Variants in ARL15 observed in about 807,000 individuals in gnomAD.
ARL15 encodes the protein ADP-ribosylation factor-like protein 15.
ARL15 carries 19 observed loss-of-function variants against 25.2 expected under a neutral mutation model. The ratio of observed to expected loss-of-function variants is 0.75; its 90% CI spans 0.53 to 1.10. The LOEUF is 1.10. Among genes scored for constraint, ARL15 ranks in the 50% least tolerant of loss-of-function variants. ARL15 has a pLI of 0.00. For synonymous variants in ARL15, 94 were observed against 86.8 expected (o/e 1.08, Z -0.46); for missense variants, 220 against 246.0 (o/e 0.89, Z 0.71).
chr5:54,039,784 A>G (rs1189538638), intron 4 of ARL15, among the ~76,000 whole-genome samples: 3 of 138,458 alleles, frequency 2.2e-5, no homozygotes, highest in African/African-American at 5.4e-5. Context: ...CCTGGGCAAC[A>G]GAGCAAGACT....
chr5:54,195,635 A>G (rs1755528063), intron 1 of ARL15, among the ~76,000 whole-genome samples: 1 of 152,162 alleles, frequency 6.6e-6, no homozygotes, highest in South Asian at 2.1e-4. Flanking sequence ...TGTGTAAAGG[A>G]AAAAAGAAAT....
At chr5:54,252,031 A>T (rs1432632968) in intron 1 of ARL15, among the ~76,000 whole-genome samples, 1 of 152,198 alleles carries the variant, frequency 6.6e-6, no homozygotes. Context: ...AATTCTCTGA[A>T]TTTTTCCTTA....
intron 3 of ARL15, among the ~76,000 whole-genome samples, chr5:54,129,764 C>T (rs1047462688): frequency 5.9e-5 from 9 of 152,198 alleles, no homozygotes; most frequent in African/African-American, 1.4e-4. Context: ...CCTCACCTCA[C>T]TTCCTCCTTT....
intron 4 of ARL15, among the ~76,000 whole-genome samples, chr5:53,905,576 G>C (rs565147932): frequency 6.6e-6 from 1 of 152,238 alleles, no homozygotes; most frequent in East Asian, 1.9e-4. Flanking sequence ...CCCATGCCCT[G>C]ATTACAATCT....
At chr5:54,192,950 T>C (rs1401214987) in intron 1 of ARL15, among the ~76,000 whole-genome samples, 1 of 152,160 alleles carries the variant, frequency 6.6e-6, no homozygotes, top group African/African-American at 2.4e-5. Context: ...AGAGTATGTA[T>C]GTAGGTCCAG....
At chr5:54,076,041 A>G (rs955286989) in intron 4 of ARL15, among the ~76,000 whole-genome samples, 1 of 152,168 alleles carries the variant, frequency 6.6e-6, no homozygotes, top group African/African-American at 2.4e-5. Context: ...TAATACATAC[A>G]CACGCACCAC....
intron 1 of ARL15, among the ~76,000 whole-genome samples, chr5:54,302,283 A>G (rs898785850): frequency 6.6e-6 from 1 of 152,218 alleles, no homozygotes; most frequent in African/African-American, 2.4e-5. Context: ...AAGAATGCTC[A>G]TGGCCATGGG....
chr5:54,302,272 G>A (rs1434459536), intron 1 of ARL15, among the ~76,000 whole-genome samples: 2 of 152,130 alleles, frequency 1.3e-5, no homozygotes, highest in Non-Finnish European at 2.9e-5. Flanking sequence ...AAGCAGCACC[G>A]AAGAATGCTC....
chr5:54,095,360 G>A (rs970546458), intron 4 of ARL15, among the ~76,000 whole-genome samples: 4 of 152,066 alleles, frequency 2.6e-5, no homozygotes, highest in Admixed American at 6.6e-5. Context: ...AATATGACAC[G>A]TTTTATAGCC....
At chr5:54,112,109 G>C (rs1321437545) in intron 4 of ARL15, among the ~76,000 whole-genome samples, 1 of 152,052 alleles carries the variant, frequency 6.6e-6, no homozygotes, top group Non-Finnish European at 1.5e-5. Flanking sequence ...TGAATAATGG[G>C]TCCTTGCCTT....
At chr5:54,285,768 C>A (rs1190199664) in intron 1 of ARL15, among the ~76,000 whole-genome samples, 1 of 152,152 alleles carries the variant, frequency 6.6e-6, no homozygotes, top group Admixed American at 6.5e-5. Context: ...CTTGGGTCCT[C>A]TATTTCCAAA....
chr5:54,126,151 T>G (rs1445622574), intron 3 of ARL15, among the ~76,000 whole-genome samples: 3 of 152,294 alleles, frequency 2.0e-5, no homozygotes, highest in African/African-American at 7.2e-5. Flanking sequence ...TCTCTTGTTG[T>G]ACATCCTCTT....
chr5:54,081,368 G>C (rs1220151926), intron 4 of ARL15, among the ~76,000 whole-genome samples: 1 of 152,082 alleles, frequency 6.6e-6, no homozygotes, highest in Admixed American at 6.6e-5. Context: ...TATTAAACTT[G>C]AGAAAGAAAG....
chr5:54,252,671 A>G (rs1757263705), intron 1 of ARL15, among the ~76,000 whole-genome samples: 1 of 152,186 alleles, frequency 6.6e-6, no homozygotes, highest in Non-Finnish European at 1.5e-5. Flanking sequence ...AGCCAGGGAC[A>G]CTTCCAAGTT....
intron 1 of ARL15, among the ~76,000 whole-genome samples, chr5:54,225,006 T>C (rs2112540278): frequency 6.6e-6 from 1 of 152,318 alleles, no homozygotes; most frequent in African/African-American, 2.4e-5. Flanking sequence ...CTCCCACTAA[T>C]AGTTACATAG....
chr5:53,956,302 AAAC>A (rs1747152594), intron 4 of ARL15, among the ~76,000 whole-genome samples: 2 of 151,874 alleles, frequency 1.3e-5, no homozygotes, highest in Admixed American at 6.6e-5. Flanking sequence ...AGCTTACAGC[AAAC>A]AACAACAACA....
intron 3 of ARL15, among the ~76,000 whole-genome samples, chr5:54,145,455 A>G (rs577731815): frequency 2.8e-4 from 42 of 152,360 alleles, no homozygotes; most frequent in Admixed American, 2.4e-3. Context: ...CTGTTAAGTG[A>G]TAAATAGCTA....
intron 2 of ARL15, among the ~76,000 whole-genome samples, chr5:54,167,949 C>CT (rs1376278384): frequency 1.3e-5 from 2 of 152,164 alleles, no homozygotes; most frequent in African/African-American, 4.8e-5. Context: ...CTTTCTCAGA[C>CT]TTTAGACTTA....
chr5:54,068,823 G>A (rs1426836701), intron 4 of ARL15, among the ~76,000 whole-genome samples: 4 of 152,162 alleles, frequency 2.6e-5, no homozygotes, highest in East Asian at 1.9e-4. Flanking sequence ...AAATGGCAGC[G>A]TAATTAGGAA....
Sources: gnomAD v4.1 joint callset for allele counts (sites outside exome capture counted in the v4.1 genomes callset) on GRCh38, gnomAD v4.1.1 for gene constraint, MANE v1.5 for transcripts, NCBI Gene and HGNC (gene_info 2026-07-23, HGNC 2026-07-21) for gene names.